DZIP1: variants seen among roughly 807,000 people sequenced by gnomAD.
DZIP1 encodes the protein DAZ interacting zinc finger protein 1, also known as cilium assembly protein DZIP1.
In DZIP1, 97 loss-of-function variants were observed where a neutral mutation model predicts 107.6. The ratio of observed to expected loss-of-function variants is 0.90; its 90% CI spans 0.77 to 1.07. The LOEUF (loss-of-function observed/expected upper bound fraction) is 1.07, where lower values mean the gene tolerates loss of function less well. DZIP1 is among the 50% of genes least tolerant of loss of function. The probability of loss-of-function intolerance (pLI) is 0.00; values close to 1 mark genes in which losing one functional copy is unlikely to be tolerated. For missense variants in DZIP1, 1,035 were observed against 1,063.6 expected, an observed-to-expected ratio of 0.97 and a Z score of 0.37; for synonymous variants, 390 against 386.4, an observed-to-expected ratio of 1.01 and a Z score of -0.11.
chr13:95,624,762 A>G lies in DZIP1; in HGVS notation c.972+6T>C. ...TACCATAAGAACTTCTAGGTTTAATACTTACATATTCTAATGCTGAATTCT... is the reference window on the plus strand; with the variant it reads ...TACCATAAGAACTTCTAGGTTTAATGCTTACATATTCTAATGCTGAATTCT... On this transcript the variant is annotated splice_donor_region_variant and intron_variant, in intron 8 of 22. Coordinates refer to ENST00000376829, the MANE Select transcript of DZIP1 (RefSeq NM_198968.4). 1 of 1,588,396 alleles carries G rather than the reference A, an allele frequency of 6.3e-7. No homozygotes were observed. Among genetic ancestry groups the G allele is most frequent in the Non-Finnish European group, 8.6e-7 (1 of 1,163,648 alleles).
chr13:95,621,665 A>AGTGTGTGTGTGTGTGTGTGTGTGTGT (rs3051402), intron 9 of DZIP1, among the ~76,000 whole-genome samples: 1 of 123,326 alleles, frequency 8.1e-6, no homozygotes, highest in African/African-American at 3.0e-5. Context: ...ACCAGTTAGC[A>AGTGTGTGTGTGTGTGTGTGTGTGTGT]GTGTGTGTGT....
intron 10 of DZIP1, among the ~76,000 whole-genome samples, chr13:95,619,020 G>A (rs1875489632): frequency 6.6e-6 from 1 of 152,170 alleles, no homozygotes; most frequent in African/African-American, 2.4e-5. Flanking sequence ...TTTCATTAAA[G>A]CGATTTTAAT....
At chr13:95,629,161 C>A (rs957860679) in intron 7 of DZIP1, among the ~76,000 whole-genome samples, 3 of 152,258 alleles carry the variant, frequency 2.0e-5, no homozygotes, top group Non-Finnish European at 4.4e-5. Context: ...GAGCCAAGCA[C>A]ACTGTCACTC....
intron 7 of DZIP1, among the ~76,000 whole-genome samples, chr13:95,625,488 C>T (rs1876421094): frequency 1.3e-5 from 2 of 152,168 alleles, no homozygotes; most frequent in South Asian, 4.1e-4. Flanking sequence ...GCAGAATATA[C>T]ATTCTTCTCA....
chr13:95,606,742 A>T (rs1282278194), intron 13 of DZIP1, among the ~76,000 whole-genome samples: 1 of 152,180 alleles, frequency 6.6e-6, no homozygotes, highest in Non-Finnish European at 1.5e-5. Context: ...TACTCTAATC[A>T]CTGGGCTGGA....
rs2044910183 is a variant in DZIP1, at chr13:95,609,525, G to GA, written c.1364-13dup. ...GGCTAAAGGATTTCCTGAAATGACAGAAAAATAAATGAACAAAAAACATCA... is the reference window on the plus strand; with the variant it reads ...GGCTAAAGGATTTCCTGAAATGACAGAAAAAATAAATGAACAAAAAACATCA... On this transcript the variant is annotated splice_polypyrimidine_tract_variant and intron_variant, in intron 12 of 22. Transcript: ENST00000376829. 1 of 1,575,538 alleles carries GA rather than the reference G, an allele frequency of 6.3e-7. No individual in the cohort carries two copies. The highest frequency in any genetic ancestry group is 8.6e-7 in the Non-Finnish European group (1 of 1,162,306).
chr13:95,610,658 A>C (rs140639960), intron 12 of DZIP1, among the ~76,000 whole-genome samples: 8 of 152,286 alleles, frequency 5.3e-5, no homozygotes, highest in African/African-American at 1.9e-4. Context: ...AGGGCTTAAT[A>C]GGTATATTAT....
intron 15 of DZIP1, among the ~76,000 whole-genome samples, chr13:95,594,617 T>C (rs2044394337): frequency 6.6e-6 from 1 of 152,110 alleles, no homozygotes; most frequent in Non-Finnish European, 1.5e-5. Context: ...CTGAACAACA[T>C]AGCGAGATCC....
At position 95,618,611 on chromosome 13, in the gene DZIP1, T is replaced by C. The variant is rs113244077; in HGVS notation, c.1173+1274A>G. 2.0e-3 allele frequency among the ~76,000 whole-genome samples: 307 copies of C among 152,340 alleles called. 1 individual carries two copies. Among genetic ancestry groups the C allele is most frequent in the African/African-American group, 6.9e-3 (288 of 41,590 alleles). ...TGTTTGCTTTAGTTTGGCTCTAGTA[T>C]TGTTCCCAGTTTCTTTTTCTCTCCC... On this transcript the variant is annotated intron_variant, in intron 10 of 22. Transcript: ENST00000376829.
intron 7 of DZIP1, among the ~76,000 whole-genome samples, chr13:95,629,778 A>T (rs1876978224): frequency 1.3e-5 from 2 of 152,172 alleles, no homozygotes; most frequent in African/African-American, 4.8e-5. Context: ...ATTCCACCCC[A>T]ATTTTCTAAA....
intron 5 of DZIP1, among the ~76,000 whole-genome samples, chr13:95,634,302 C>A (rs1229410990): frequency 6.6e-6 from 1 of 152,214 alleles, no homozygotes; most frequent in African/African-American, 2.4e-5. Context: ...TCCTCAAGAT[C>A]CTCCTGCCTG....
chr13:95,589,751 C>T, intron 18 of DZIP1, 52 bp downstream of exon 18: 1 of 1,575,492 alleles, frequency 6.3e-7, no homozygotes, highest in Non-Finnish European at 8.6e-7. Context: ...GTTAAAGCAG[C>T]CTGAGCTAAG....
At position 95,641,275 on chromosome 13, in the gene DZIP1, G is replaced by C; in HGVS notation, c.597+20C>G. The C allele has an allele frequency of 6.4e-7, 1 of 1,555,530 alleles. No individual in the cohort carries two copies. Among genetic ancestry groups the C allele is most frequent in the Non-Finnish European group, 8.7e-7 (1 of 1,146,220 alleles). ...AGTTGTTTACTGGATTATGAATCGT[G>C]CTCACACACAGCTGCCCACCTGGTA... On this transcript the variant is annotated intron_variant, in intron 5 of 22. Transcript: ENST00000376829. The surrounding 1 kb of genome is among the most constrained non-coding windows in gnomAD (Gnocchi z 4.3).
chr13:95,632,651 C>T (rs1877327575), intron 6 of DZIP1, among the ~76,000 whole-genome samples: 1 of 152,166 alleles, frequency 6.6e-6, no homozygotes, highest in Admixed American at 6.5e-5. Context: ...CCAGTGGCTC[C>T]ACCTTACGCA....
intron 15 of DZIP1, among the ~76,000 whole-genome samples, chr13:95,596,085 G>A (rs1566371541): frequency 6.6e-6 from 1 of 152,102 alleles, no homozygotes; most frequent in Non-Finnish European, 1.5e-5. Context: ...AGCACCCTTG[G>A]TAAAGATTCT....
Position 95,630,116 on chromosome 13 carries a change from G to A in DZIP1, c.686-3C>T, listed in dbSNP as rs1371766703. 6.2e-7 allele frequency: 1 copy of A among 1,608,760 alleles called. No individual in the cohort carries two copies. On this transcript the variant is annotated splice_region_variant and splice_polypyrimidine_tract_variant and intron_variant, in intron 6 of 22. Transcript: ENST00000376829. ...AATCTGTGCATTTTTCTGATACTCT[G>A]TTGCAACAGAAAATCGTGTTAAAAC...
rs1382435453 is a variant in DZIP1, at chr13:95,578,423, C to T, written c.*3811G>A. 1.3e-5 allele frequency: 2 copies of T among 152,582 alleles called. No homozygotes were observed. Among genetic ancestry groups the T allele is most frequent in the Non-Finnish European group, 2.9e-5 (2 of 68,348 alleles). 9.5% of individuals were successfully genotyped at this position (152,582 alleles called of 1,614,324 possible). On this transcript the variant is annotated 3_prime_UTR_variant, in exon 23 of 23. Coordinates refer to ENST00000376829, the MANE Select transcript of DZIP1 (RefSeq NM_198968.4). ...CAATGTCTTATAAACAGCATGGGGG[C>T]AATCTGAGAATATTCCTCAAAAGGT...
At chr13:95,630,749 T>G in intron 6 of DZIP1, 1 of 1,282,818 alleles carries the variant, frequency 7.8e-7, no homozygotes, top group Non-Finnish European at 1.0e-6. Flanking sequence ...GATGTACATG[T>G]GTCTGTGAGT....
At chr13:95,590,042 A>C (rs1284890503) in intron 17 of DZIP1, 110 bp from the exon 18 acceptor site, 7 of 1,376,416 alleles carry the variant, frequency 5.1e-6, no homozygotes, top group Non-Finnish European at 6.8e-6. Flanking sequence ...GAACAATCCC[A>C]TCTCTAGGGT....
Sources: allele counts gnomAD v4.1 joint callset (sites outside exome capture counted in the v4.1 genomes callset), GRCh38; gene constraint gnomAD v4.1.1; non-coding constraint Gnocchi (gnomAD v3.1); transcripts MANE v1.5; gene names NCBI Gene and HGNC (gene_info 2026-07-23, HGNC 2026-07-21).